Variants in PPFIA2 observed in about 807,000 individuals in gnomAD.
The protein encoded by PPFIA2 is liprin-alpha-2.
PPFIA2 carries 46 observed loss-of-function variants against 175.5 expected under a neutral mutation model. That is an observed-to-expected ratio of 0.26 (90% CI 0.21 to 0.34). PPFIA2 has a LOEUF of 0.34. Among genes scored for constraint, PPFIA2 ranks in the 10% least tolerant of loss-of-function variants. The pLI is 1.00. For missense variants in PPFIA2, 1,179 were observed against 1,506.1 expected (o/e 0.78, Z 3.60); for synonymous variants, 568 against 511.4 (o/e 1.11, Z -1.49).
chr12:81,424,814 C>T (rs2046864861), intron 7 of PPFIA2: 1 of 152,178 alleles, frequency 6.6e-6, no homozygotes. Flanking sequence ...GTGACAGGCA[C>T]TTTAACCCAT....
chr12:81,286,098 A>G (rs1439878117), intron 24 of PPFIA2, among the ~76,000 whole-genome samples: 1 of 152,094 alleles, frequency 6.6e-6, no homozygotes, highest in African/African-American at 2.4e-5. Context: ...GGGAAAAAAT[A>G]ATGAAATAGC....
intron 4 of PPFIA2, among the ~76,000 whole-genome samples, chr12:81,493,787 T>TATATATATATATATATATAC (rs1491517743): frequency 7.8e-6 from 1 of 128,348 alleles, no homozygotes; most frequent in Non-Finnish European, 1.6e-5. Context: ...TATATATATA[T>TATATATATATATATATATAC]ACACATTGGA....
At chr12:81,738,220 C>A (rs962134664) in intron 3 of PPFIA2, among the ~76,000 whole-genome samples, 5 of 151,662 alleles carry the variant, frequency 3.3e-5, no homozygotes, top group African/African-American at 9.7e-5. Context: ...GTCTTAGTGC[C>A]AAGTGAAAAT....
chr12:81,754,144 G>C lies in PPFIA2; in HGVS notation c.78C>G (p.Asp26Glu). Residue 26 changes from aspartate to glutamate, a missense_variant, in exon 3 of 33, where the codon GAC becomes GAG. Transcript: ENST00000549396. ...SQRGSQSSGS[D>E]SDSHFEQLMV... ...TCAGCTGCTCAAAATGGGAGTCTGA[G>C]TCCGAGCCACTGCTTTGGGACCCCC... The C allele has an allele frequency of 6.2e-7, 1 of 1,613,302 alleles. No homozygotes were observed. Among genetic ancestry groups the C allele is most frequent in the Non-Finnish European group, 8.5e-7 (1 of 1,179,612 alleles).
At chr12:81,660,128 A>G (rs555265940) in intron 4 of PPFIA2, among the ~76,000 whole-genome samples, 9 of 152,300 alleles carry the variant, frequency 5.9e-5, no homozygotes, top group African/African-American at 1.9e-4. Context: ...GAAAATTCTA[A>G]AAATCAGAGC....
intron 7 of PPFIA2, among the ~76,000 whole-genome samples, chr12:81,412,990 C>T (rs2143010616): frequency 6.6e-6 from 1 of 151,936 alleles, no homozygotes; most frequent in Non-Finnish European, 1.5e-5. Context: ...TTAACTGCCT[C>T]TTAGTCACTT....
In PPFIA2 at chr12:81,384,147, A is replaced by G. The variant is rs778590646; in HGVS notation, c.860T>C (p.Met287Thr). The change falls in exon 9 of 33, where the codon ATG (methionine) becomes ACG (threonine). Residue 287 changes from methionine to threonine, a missense_variant. Physicochemically the swap from Met to Thr is moderately conservative, Grantham distance 81 (BLOSUM62 -1). This residue lies in a region of PPFIA2 where 226 missense variants were observed against 216.6 expected (regional missense o/e 1.04). Transcript: ENST00000549396. ...LEKQNYEMAQMKERLAALSSR... is the reference protein window; with the variant it reads ...LEKQNYEMAQTKERLAALSSR... The stretch of plus-strand genomic sequence containing the variant: ...AGAAAGGGCTGCTAAACGTTCTTTC[A>G]TCTGGGCCATTTCATAGTTTTGCTT... 1.4e-5 allele frequency: 22 copies of G among 1,612,528 alleles called. No individual in the cohort carries two copies. The highest frequency in any genetic ancestry group is 1.9e-5 in the Non-Finnish European group (22 of 1,179,136).
intron 28 of PPFIA2, among the ~76,000 whole-genome samples, chr12:81,269,442 A>T (rs2038412157): frequency 6.6e-6 from 1 of 152,226 alleles, no homozygotes; most frequent in African/African-American, 2.4e-5. Flanking sequence ...TAACTGTTTT[A>T]AATACCTGTT....
intron 13 of PPFIA2, among the ~76,000 whole-genome samples, chr12:81,368,405 C>T (rs1403371545): frequency 6.6e-6 from 1 of 151,682 alleles, no homozygotes; most frequent in Non-Finnish European, 1.5e-5. Flanking sequence ...ACTTGTGTCT[C>T]ATCACTTTTC....
chr12:81,301,651 T>C (rs2047879222), intron 22 of PPFIA2, among the ~76,000 whole-genome samples: 1 of 152,126 alleles, frequency 6.6e-6, no homozygotes, highest in Admixed American at 6.6e-5. Flanking sequence ...CCGCGCCATC[T>C]CTCTGACTAA....
At chr12:81,693,743 T>C (rs2075545956) in intron 3 of PPFIA2, among the ~76,000 whole-genome samples, 1 of 152,122 alleles carries the variant, frequency 6.6e-6, no homozygotes, top group Admixed American at 6.5e-5. Flanking sequence ...AGTTTGGAAC[T>C]TCTTAGAGAC....
At chr12:81,574,708 G>T in intron 4 of PPFIA2, among the ~76,000 whole-genome samples, 1 of 150,078 alleles carries the variant, frequency 6.7e-6, no homozygotes, top group East Asian at 1.9e-4. Flanking sequence ...TATTATTATT[G>T]GGAAAAAAAA....
intron 24 of PPFIA2, among the ~76,000 whole-genome samples, chr12:81,286,160 G>A (rs2043310327): frequency 6.6e-6 from 1 of 151,964 alleles, no homozygotes; most frequent in African/African-American, 2.4e-5. Context: ...TTGTTCAGCT[G>A]TACAATGTAT....
chr12:81,268,132 CTTTTTTTTTTTTTT>C lies in PPFIA2; in HGVS notation c.3311-59_3311-46del, dbSNP rs746893824. 143 of 638,066 alleles carry C rather than the reference CTTTTTTTTTTTTTT, an allele frequency of 2.2e-4. 3 individuals are homozygous for C. Among genetic ancestry groups the C allele is most frequent in the Admixed American group, 1.3e-3 (30 of 22,254 alleles). The allele number at this position is 638,066 out of a possible 1,614,324, so 39.5% of individuals were successfully genotyped here. A position where few individuals can be genotyped will look rare whatever the true frequency, so the allele number is the denominator to read the frequency against. Reference sequence around the variant, plus strand: ...ATTTTAGGATGCATTATTTTTCTTTCTTTTTTTTTTTTTTTTTTTTTTTTGAGACGGAGACTCGC... The same window carrying C: ...ATTTTAGGATGCATTATTTTTCTTTCTTTTTTTTTTGAGACGGAGACTCGC... On this transcript the variant is annotated intron_variant, in intron 28 of 32. Transcript: ENST00000549396.
intron 4 of PPFIA2, among the ~76,000 whole-genome samples, chr12:81,500,546 C>T (rs1484251591): frequency 6.6e-6 from 1 of 152,180 alleles, no homozygotes; most frequent in Non-Finnish European, 1.5e-5. Context: ...AATATCTTGT[C>T]AACCCAAGAA....
At chr12:81,466,257 C>G (rs775103307) in intron 4 of PPFIA2, among the ~76,000 whole-genome samples, 1 of 152,048 alleles carries the variant, frequency 6.6e-6, no homozygotes, top group Non-Finnish European at 1.5e-5. Flanking sequence ...AATTAGAAAG[C>G]TTTTTGGTCT....
chr12:81,455,656 A>G (rs1190193808), intron 5 of PPFIA2, among the ~76,000 whole-genome samples: 1 of 152,104 alleles, frequency 6.6e-6, no homozygotes, highest in Admixed American at 6.6e-5. Flanking sequence ...AATTGTACGG[A>G]TTCTGTCACC....
At chr12:81,602,954 G>A (rs1009675839) in intron 4 of PPFIA2, among the ~76,000 whole-genome samples, 12 of 151,710 alleles carry the variant, frequency 7.9e-5, no homozygotes, top group Admixed American at 4.0e-4. Flanking sequence ...AATCAAATAC[G>A]TTTCCGGTGG....
intron 4 of PPFIA2, among the ~76,000 whole-genome samples, chr12:81,647,569 G>C (rs1304017317): frequency 6.6e-6 from 1 of 151,416 alleles, no homozygotes; most frequent in East Asian, 1.9e-4. Context: ...AGACCATCCT[G>C]GCTAACATGG....
Sources: allele counts gnomAD v4.1 joint callset (sites outside exome capture counted in the v4.1 genomes callset), GRCh38; gene constraint gnomAD v4.1.1; regional missense constraint gnomAD v4.1.1; transcripts MANE v1.5; gene names NCBI Gene and HGNC (gene_info 2026-07-23, HGNC 2026-07-21).